The following DNM3 variants were observed in gnomAD, a reference collection of about 807,000 sequenced individuals.
DNM3 encodes dynamin-3.
In DNM3, 47 loss-of-function variants were observed where a neutral mutation model predicts 101.6. The observed-to-expected ratio is 0.46, with a 90% CI of 0.37 to 0.59. The LOEUF (loss-of-function observed/expected upper bound fraction) is 0.59. DNM3 is among the 20% of genes least tolerant of loss of function. The pLI is 0.00. For synonymous variants in DNM3, 385 were observed against 387.9 expected, an observed-to-expected ratio of 0.99 and a Z score of 0.09; for missense variants, 849 against 1,085.7, an observed-to-expected ratio of 0.78 and a Z score of 3.06.
intron 20 of DNM3, 109 bp from the exon 21 acceptor site, chr1:172,407,663 C>A (rs1441829019): frequency 3.8e-6 from 4 of 1,050,792 alleles, no homozygotes; most frequent in East Asian, 2.4e-5. Context: ...CTTCTGCTGG[C>A]CTGTATGTGC....
chr1:172,019,009 C>T (rs2047642722), intron 4 of DNM3, among the ~76,000 whole-genome samples: 2 of 117,816 alleles, frequency 1.7e-5, no homozygotes, highest in South Asian at 6.6e-4. Flanking sequence ...CCTTCCTTCG[C>T]CCCCTCCCTT....
rs879148855 is a variant in DNM3, at chr1:172,410,076, A to G, written c.*2235A>G. The G allele has an allele frequency of 5.5e-5, 54 of 985,234 alleles. No individual in the cohort carries two copies. Among genetic ancestry groups the G allele is most frequent in the Non-Finnish European group, 6.4e-5 (53 of 829,866 alleles). The allele number at this position is 985,234 out of a possible 1,614,324, so 61.0% of individuals were successfully genotyped here. ...CCCAATTGTCTACCTTTGTGGGTAC[A>G]TTTTTGTTCTTTACTCCTAAGTTAT... On this transcript the variant is annotated 3_prime_UTR_variant, in exon 21 of 21. Transcript: ENST00000627582.
intron 1 of DNM3, among the ~76,000 whole-genome samples, chr1:171,855,660 T>C (rs1385596387): frequency 3.3e-5 from 5 of 152,226 alleles, no homozygotes; most frequent in African/African-American, 4.8e-5. Flanking sequence ...TTTTTTCTTC[T>C]CATATCCCTG....
intron 15 of DNM3, among the ~76,000 whole-genome samples, chr1:172,305,753 A>G (rs1428162315): frequency 6.6e-6 from 1 of 152,262 alleles, no homozygotes. Flanking sequence ...AACATAATTC[A>G]TCACATAAAC....
chr1:172,406,445 T>C (rs1203901205), intron 20 of DNM3, among the ~76,000 whole-genome samples: 1 of 151,962 alleles, frequency 6.6e-6, no homozygotes, highest in African/African-American at 2.4e-5. Context: ...TAAGGCTGGG[T>C]ACCATGGCTC....
At chr1:172,229,805 G>C (rs1230475442) in intron 14 of DNM3, among the ~76,000 whole-genome samples, 1 of 151,944 alleles carries the variant, frequency 6.6e-6, no homozygotes, top group South Asian at 2.1e-4. Context: ...AGAATTTCTA[G>C]CTTCTCCTCA....
At position 171,942,224 on chromosome 1, in the gene DNM3, T is replaced by TTTTA. The variant is rs1045551751; in HGVS notation, c.235+20403_235+20404insTTTA. On this transcript the variant is annotated intron_variant, in intron 2 of 20. Transcript: ENST00000627582. ...TGATTTTTTTTTTTTTTTTTTTTTTTATGGAATAAGGGATCTGATACTCTT... is the reference window on the plus strand; with the variant it reads ...TGATTTTTTTTTTTTTTTTTTTTTTTTTTAATGGAATAAGGGATCTGATACTCTT... Among the ~76,000 whole-genome samples, 7 of 148,544 alleles carry TTTTA rather than the reference T, an allele frequency of 4.7e-5. No homozygotes were observed. The East Asian group carries it at 7.8e-4, about 17-fold the overall frequency.
chr1:172,340,816 CT>C (rs2066652563), intron 17 of DNM3, among the ~76,000 whole-genome samples: 1 of 152,170 alleles, frequency 6.6e-6, no homozygotes, highest in Admixed American at 6.5e-5. Flanking sequence ...CCTGATAGCT[CT>C]GGCCAAGACT....
chr1:172,234,278 C>T (rs1225431218), intron 14 of DNM3, among the ~76,000 whole-genome samples: 1 of 152,004 alleles, frequency 6.6e-6, no homozygotes, highest in African/African-American at 2.4e-5. Flanking sequence ...GAGTGAACTC[C>T]CATTCACAAT....
chr1:171,925,677 G>A (rs964222040), intron 2 of DNM3, among the ~76,000 whole-genome samples: 1 of 152,136 alleles, frequency 6.6e-6, no homozygotes, highest in Admixed American at 6.5e-5. Flanking sequence ...TCTGTTGGTA[G>A]TTTCTTTTGC....
intron 14 of DNM3, among the ~76,000 whole-genome samples, chr1:172,185,429 G>A (rs1215818596): frequency 6.6e-6 from 1 of 152,044 alleles, no homozygotes; most frequent in African/African-American, 2.4e-5. Flanking sequence ...GTTGAACTGT[G>A]GTTTTAAAAC....
chr1:172,172,535 A>G (rs2059001113), intron 14 of DNM3, among the ~76,000 whole-genome samples: 1 of 151,710 alleles, frequency 6.6e-6, no homozygotes, highest in Non-Finnish European at 1.5e-5. Flanking sequence ...GAAATTTTTC[A>G]TTTAATATTT....
chr1:171,959,026 A>G (rs76822366), intron 2 of DNM3, among the ~76,000 whole-genome samples: 3,885 of 152,298 alleles, frequency 0.026, 74 homozygotes, highest in Non-Finnish European at 0.039. Flanking sequence ...CTTCATTTGT[A>G]TAAAGCTTAA....
intron 10 of DNM3, among the ~76,000 whole-genome samples, chr1:172,055,147 CT>C (rs2050503788): frequency 6.6e-6 from 1 of 152,106 alleles, no homozygotes; most frequent in East Asian, 1.9e-4. Context: ...ATCTTGCCCC[CT>C]GCTTTTCATC....
chr1:172,329,843 C>T (rs1003016931), intron 17 of DNM3, among the ~76,000 whole-genome samples: 11 of 152,258 alleles, frequency 7.2e-5, no homozygotes, highest in African/African-American at 2.6e-4. Flanking sequence ...TTTAGAAGCC[C>T]TCCTAGCCCC....
Position 172,412,547 on chromosome 1 carries a change from A to ACTGT in DNM3, c.*4709_*4712dup, listed in dbSNP as rs2071271708. ...AATTAATATGAGCCGGATACTTTCCACTGTCTTCTTGGCACTTTCAGGATT... is the reference window on the plus strand; with the variant it reads ...AATTAATATGAGCCGGATACTTTCCACTGTCTGTCTTCTTGGCACTTTCAGGATT... On this transcript the variant is annotated 3_prime_UTR_variant, in exon 21 of 21. Coordinates refer to ENST00000627582, the MANE Select transcript of DNM3 (RefSeq NM_015569.5). The ACTGT allele has an allele frequency of 1.0e-6, 1 of 985,632 alleles. No individual in the cohort carries two copies. Among genetic ancestry groups the ACTGT allele is most frequent in the Non-Finnish European group, 1.2e-6 (1 of 829,848 alleles). The allele number at this position is 985,632 out of a possible 1,614,324, so 61.1% of individuals were successfully genotyped here.
intron 13 of DNM3, among the ~76,000 whole-genome samples, chr1:172,102,104 C>T (rs888221704): frequency 6.6e-6 from 1 of 151,878 alleles, no homozygotes; most frequent in Non-Finnish European, 1.5e-5. Flanking sequence ...GTGATCTACC[C>T]ACCTCGGCCT....
intron 10 of DNM3, among the ~76,000 whole-genome samples, chr1:172,051,132 C>T (rs889026991): frequency 6.6e-6 from 1 of 152,152 alleles, no homozygotes; most frequent in African/African-American, 2.4e-5. Flanking sequence ...CTTTAGCTTT[C>T]TTCAGTGAAG....
chr1:172,189,577 G>C (rs1005224234), intron 14 of DNM3, among the ~76,000 whole-genome samples: 1 of 151,980 alleles, frequency 6.6e-6, no homozygotes, highest in African/African-American at 2.4e-5. Flanking sequence ...TATGTTAGTA[G>C]AAGCATATCT....
Sources: gnomAD v4.1 joint callset for allele counts (sites outside exome capture counted in the v4.1 genomes callset) on GRCh38, gnomAD v4.1.1 for gene constraint, MANE v1.5 for transcripts, NCBI Gene and HGNC (gene_info 2026-07-23, HGNC 2026-07-21) for gene names.